FILIP1: variants seen among roughly 807,000 people sequenced by gnomAD.
The protein encoded by FILIP1 is filamin A interacting protein 1.
FILIP1 carries 61 observed loss-of-function variants against 102.1 expected under a neutral mutation model. That is an observed-to-expected ratio of 0.60 (90% confidence interval 0.49 to 0.74). The LOEUF is 0.74. Ranked by LOEUF, FILIP1 falls within the 30% of genes least tolerant of loss-of-function variation. The pLI, the probability that FILIP1 is intolerant of heterozygous loss-of-function variation, is 0.00. For missense variants in FILIP1, 1,314 were observed against 1,441.2 expected, an observed-to-expected ratio of 0.91 and a Z score of 1.43; for synonymous variants, 491 against 526.9, an observed-to-expected ratio of 0.93 and a Z score of 0.93.
At chr6:75,447,510 A>T (rs1250362588) in intron 1 of FILIP1, among the ~76,000 whole-genome samples, 2 of 152,180 alleles carry the variant, frequency 1.3e-5, no homozygotes, top group Non-Finnish European at 2.9e-5. Flanking sequence ...CTCTTCATCC[A>T]TGGATTTGTA....
At chr6:75,425,589 T>G (rs925578933) in intron 1 of FILIP1, among the ~76,000 whole-genome samples, 4 of 152,134 alleles carry the variant, frequency 2.6e-5, no homozygotes, top group African/African-American at 9.7e-5. Context: ...TTCCTTAACA[T>G]GCTGAATCCT....
chr6:75,401,744 C>T (rs1001023661), intron 2 of FILIP1, among the ~76,000 whole-genome samples: 1 of 152,106 alleles, frequency 6.6e-6, no homozygotes, highest in Non-Finnish European at 1.5e-5. Context: ...CAGTGTTCTA[C>T]ATAATATCTC....
At chr6:75,397,061 T>C (rs1365140375) in intron 2 of FILIP1, among the ~76,000 whole-genome samples, 1 of 151,682 alleles carries the variant, frequency 6.6e-6, no homozygotes, top group Non-Finnish European at 1.5e-5. Flanking sequence ...ATATACCTAA[T>C]GTTAACTGAC....
chr6:75,417,733 A>C (rs545703525), intron 1 of FILIP1, among the ~76,000 whole-genome samples: 3 of 152,366 alleles, frequency 2.0e-5, no homozygotes, highest in African/African-American at 7.2e-5. Context: ...TAAATTAAAT[A>C]TCTTTTCCTG....
chr6:75,442,189 A>G (rs1480675315), intron 1 of FILIP1, among the ~76,000 whole-genome samples: 2 of 150,906 alleles, frequency 1.3e-5, no homozygotes, highest in African/African-American at 2.5e-5. Context: ...CACTTCCTAG[A>G]TGGGATGGCG....
chr6:75,414,625 C>G (rs1409042906), intron 2 of FILIP1, 72 bp downstream of exon 2: 1 of 1,392,752 alleles, frequency 7.2e-7, no homozygotes, highest in African/African-American at 1.4e-5. Flanking sequence ...GAGAGGGGAA[C>G]AGATTTACAT....
chr6:75,315,098 G>A lies in FILIP1; in HGVS notation c.734C>T (p.Ser245Phe). Residue 245 changes from serine to phenylalanine, a missense_variant, in exon 5 of 6, where the codon TCC (serine) becomes TTC (phenylalanine). Around this residue, in one of 3 missense-constraint regions of FILIP1, gnomAD observed 494 missense variants for 511.2 expected, o/e 0.97. Transcript: ENST00000237172. Reference protein sequence around the residue: ...KLRDELVKLKSFALMLVDERQ... With the variant: ...KLRDELVKLKFFALMLVDERQ... ...TTCATCCACCAGCATGAGTGCAAAG[G>A]ATTTGAGTTTAACAAGCTCATCTCT... is the stretch of plus-strand genomic sequence containing the variant. 6.2e-7 allele frequency: 1 copy of A among 1,613,424 alleles called. No homozygotes were observed. The highest frequency in any genetic ancestry group is 8.5e-7 in the Non-Finnish European group (1 of 1,179,832).
rs764584189 is a variant in FILIP1 at position 75,353,577 on chromosome 6, G to A, written c.591C>T (p.Ser197=). ...KHKHTDYMNK[S]DDFTNLLEQE... ...GCTCCAGCAGGTTGGTGAAGTCGTC[G>A]CTCTTGTTCATGTAGTCAGTGTGTT... Residue 197 remains serine, a synonymous_variant, in exon 4 of 6, where the codon AGC becomes AGT. Transcript: ENST00000237172. 1.9e-5 allele frequency: 30 copies of A among 1,613,986 alleles called. No individual in the cohort carries two copies. Among genetic ancestry groups the A allele is most frequent in the African/African-American group, 2.7e-5 (2 of 74,902 alleles).
intron 1 of FILIP1, among the ~76,000 whole-genome samples, chr6:75,449,805 C>A: frequency 6.6e-6 from 1 of 152,066 alleles, no homozygotes; most frequent in East Asian, 1.9e-4. Flanking sequence ...GTTTATGACT[C>A]ATTGAAAATA....
intron 4 of FILIP1, among the ~76,000 whole-genome samples, chr6:75,316,373 A>G (rs1773447876): frequency 6.6e-6 from 1 of 152,166 alleles, no homozygotes. Flanking sequence ...TTATTCTTTC[A>G]GTGTATTTTG....
chr6:75,453,975 A>G (rs1562621830), intron 1 of FILIP1: 1 of 456,614 alleles, frequency 2.2e-6, no homozygotes, highest in African/African-American at 2.0e-5. Flanking sequence ...CTGCCATGAC[A>G]AATTACCATA....
At chr6:75,347,250 A>T (rs1774619714) in intron 4 of FILIP1, among the ~76,000 whole-genome samples, 1 of 152,204 alleles carries the variant, frequency 6.6e-6, no homozygotes, top group Non-Finnish European at 1.5e-5. Context: ...AAGGAATTTA[A>T]CTTCTCTGCT....
intron 1 of FILIP1, among the ~76,000 whole-genome samples, chr6:75,445,520 T>C (rs1778417709): frequency 6.6e-6 from 1 of 152,144 alleles, no homozygotes; most frequent in Non-Finnish European, 1.5e-5. Context: ...TAGCTGCTTC[T>C]TTTCTTACTC....
rs757996455 is a variant in FILIP1 at position 75,362,886 on chromosome 6, G to A, written c.308C>T (p.Thr103Ile). 6.2e-7 allele frequency: 1 copy of A among 1,613,954 alleles called. No homozygotes were observed. Among genetic ancestry groups the A allele is most frequent in the South Asian group, 1.1e-5 (1 of 91,066 alleles). The change falls in exon 3 of 6, where the codon ACA becomes ATA. Residue 103 changes from threonine to isoleucine, a missense_variant. Physicochemically the swap from Thr to Ile is moderately conservative, Grantham distance 89 (BLOSUM62 -1). Around this residue, in one of 3 missense-constraint regions of FILIP1, gnomAD observed 494 missense variants for 511.2 expected, o/e 0.97. Transcript: ENST00000237172. ...AREDVIHMLKTEKTKPEVLEA... is the reference protein window; with the variant it reads ...AREDVIHMLKIEKTKPEVLEA... ...CAGAACCTCAGGCTTGGTTTTCTCT[G>A]TCTTCAGCATGTGGATCACATCTTC...
intron 2 of FILIP1, among the ~76,000 whole-genome samples, chr6:75,375,144 C>G (rs1320966392): frequency 6.6e-6 from 1 of 152,212 alleles, no homozygotes; most frequent in African/African-American, 2.4e-5. Context: ...CCCATGTAGC[C>G]CACCCCCATC....
At chr6:75,394,135 C>CA (rs949624259) in intron 2 of FILIP1, among the ~76,000 whole-genome samples, 1 of 152,152 alleles carries the variant, frequency 6.6e-6, no homozygotes, top group African/African-American at 2.4e-5. Flanking sequence ...ATTCTCCTTT[C>CA]ACTCTTTTAG....
At chr6:75,370,251 A>G (rs1213227083) in intron 2 of FILIP1, among the ~76,000 whole-genome samples, 2 of 152,188 alleles carry the variant, frequency 1.3e-5, no homozygotes, top group African/African-American at 4.8e-5. Context: ...GTATCTACTT[A>G]CATATGGTAA....
chr6:75,472,818 C>G (rs1389152132), intron 1 of FILIP1, among the ~76,000 whole-genome samples: 1 of 152,064 alleles, frequency 6.6e-6, no homozygotes, highest in Non-Finnish European at 1.5e-5. Flanking sequence ...CCAAAAGCAT[C>G]AAATTATCTC....
At chr6:75,385,457 T>C (rs762609532) in intron 2 of FILIP1, among the ~76,000 whole-genome samples, 3 of 152,166 alleles carry the variant, frequency 2.0e-5, no homozygotes, top group Non-Finnish European at 2.9e-5. Flanking sequence ...AAAATGGTAA[T>C]TGATGTTTCA....
Sources: allele counts gnomAD v4.1 joint callset (sites outside exome capture counted in the v4.1 genomes callset), GRCh38; gene constraint gnomAD v4.1.1; regional missense constraint gnomAD v4.1.1; transcripts MANE v1.5; gene names NCBI Gene and HGNC (gene_info 2026-07-23, HGNC 2026-07-21).